CFH: variants seen among roughly 807,000 people sequenced by gnomAD.
The protein encoded by CFH is complement factor H, also known as H factor 1 (complement).
In CFH, 53 loss-of-function variants were observed where a neutral mutation model predicts 147.3. That is an observed-to-expected ratio of 0.36 (90% confidence interval 0.29 to 0.45). The LOEUF is 0.45. Ranked by LOEUF, CFH falls within the 20% of genes least tolerant of loss-of-function variation. The pLI is 1.00. For synonymous variants in CFH, 536 were observed against 489.4 expected, an observed-to-expected ratio of 1.10 and a Z score of -1.26; for missense variants, 1,380 against 1,498.0, an observed-to-expected ratio of 0.92 and a Z score of 1.30.
chr1:196,692,350 C>T, intron 9 of CFH: 3 of 763,466 alleles, frequency 3.9e-6, no homozygotes, highest in South Asian at 6.1e-5. Context: ...CAGATGATCC[C>T]ATTACTTTTA....
chr1:196,692,758 CTTTCTTTCTTTCT>C (rs1558163594), intron 9 of CFH, among the ~76,000 whole-genome samples: 10 of 20,932 alleles, frequency 4.8e-4, no homozygotes, highest in Admixed American at 1.9e-3. Flanking sequence ...TTCTTTCTTT[CTTTCTTTCTTTCT>C]TTCTTTCTTT....
At chr1:196,671,587 TACACACACACACACACAC>T (rs551313147) in intron 1 of CFH, among the ~76,000 whole-genome samples, 3 of 129,492 alleles carry the variant, frequency 2.3e-5, no homozygotes, top group Admixed American at 7.9e-5. Flanking sequence ...AAAAGACTAA[TACACACACACACACACAC>T]ACACACACAC....
At position 196,677,550 on chromosome 1, in the gene CFH, T is replaced by C. The variant is rs1371416584; in HGVS notation, c.502T>C (p.Tyr168His). Residue 168 changes from tyrosine (Y) to histidine (H), a missense_variant, in exon 5 of 22, where the codon TAC becomes CAC. Physicochemically the swap from Tyr to His is moderately conservative, Grantham distance 83. Transcript: ENST00000367429. Reference protein sequence around the residue: ...VSSAMEPDREYHFGQAVRFVC... With the variant: ...VSSAMEPDREHHFGQAVRFVC... ...TAGTGCAATGGAACCAGATCGGGAA[T>C]ACCATTTTGGACAAGCAGTACGGTT... The C allele has an allele frequency of 1.9e-6, 3 of 1,613,264 alleles. No homozygotes were observed. The highest frequency in any genetic ancestry group is 2.2e-5 in the South Asian group (2 of 91,062).
chr1:196,705,913 C>T (rs888406557), intron 9 of CFH, among the ~76,000 whole-genome samples: 4 of 152,122 alleles, frequency 2.6e-5, no homozygotes, highest in African/African-American at 9.7e-5. Flanking sequence ...TGCTTTAAAT[C>T]CTGCTAAATA....
intron 9 of CFH, among the ~76,000 whole-genome samples, chr1:196,711,225 A>T (rs1668716891): frequency 1.3e-5 from 2 of 151,764 alleles, no homozygotes; most frequent in South Asian, 2.1e-4. Context: ...TTTGAGATTA[A>T]TTTTTTCTAC....
At chr1:196,741,080 A>C (rs2149115287) in intron 18 of CFH, 1 of 395,374 alleles carries the variant, frequency 2.5e-6, no homozygotes, top group Non-Finnish European at 4.7e-6. Flanking sequence ...ATCAATCTCC[A>C]CATTATTCAA....
intron 15 of CFH, among the ~76,000 whole-genome samples, chr1:196,731,622 T>A (rs1669282111): frequency 6.6e-6 from 1 of 152,054 alleles, no homozygotes. Flanking sequence ...TGTTACTAAT[T>A]AGCATCCTCT....
chr1:196,723,533 G>A (rs574317374), intron 11 of CFH, among the ~76,000 whole-genome samples: 8 of 152,138 alleles, frequency 5.3e-5, no homozygotes, highest in Non-Finnish European at 7.4e-5. Context: ...ATTCAGGACA[G>A]TAGGTGGCAC....
Position 196,689,928 on chromosome 1 carries a change from G to A in CFH, c.1160-135G>A, listed in dbSNP as rs767057829. The A allele has an allele frequency of 2.3e-5, 24 of 1,043,922 alleles. 1 individual carries two copies. The highest frequency in any genetic ancestry group is 7.3e-5 in the South Asian group (4 of 54,512). The allele number at this position is 1,043,922 out of a possible 1,614,324, so 64.7% of individuals were successfully genotyped here. A position where few individuals can be genotyped will look rare whatever the true frequency, so the allele number is the denominator to read the frequency against. On this transcript the variant is annotated intron_variant, in intron 8 of 21. Coordinates refer to ENST00000367429, the MANE Select transcript of CFH (RefSeq NM_000186.4). Reference sequence around the variant, plus strand: ...AAACCTTTGTTAGTAACTTTAGTTCGTCTTCAGTTATACATTATTTTTGGA... The same window carrying A: ...AAACCTTTGTTAGTAACTTTAGTTCATCTTCAGTTATACATTATTTTTGGA...
chr1:196,698,870 A>G (rs1028166892), intron 9 of CFH, among the ~76,000 whole-genome samples: 4 of 152,184 alleles, frequency 2.6e-5, no homozygotes, highest in Non-Finnish European at 2.9e-5. Flanking sequence ...CTAAAAGCTT[A>G]TTCACCATGA....
At chr1:196,694,966 C>T (rs1668201562) in intron 9 of CFH, among the ~76,000 whole-genome samples, 1 of 152,190 alleles carries the variant, frequency 6.6e-6, no homozygotes, top group Non-Finnish European at 1.5e-5. Flanking sequence ...CCTATTCACT[C>T]TGATGATAGT....
At chr1:196,676,546 T>C (rs1349977112) in intron 4 of CFH, among the ~76,000 whole-genome samples, 1 of 152,096 alleles carries the variant, frequency 6.6e-6, no homozygotes, top group Non-Finnish European at 1.5e-5. Flanking sequence ...AGCTCTGTTA[T>C]TTCTCACTGG....
At chr1:196,719,000 A>G (rs1387670108) in intron 11 of CFH, among the ~76,000 whole-genome samples, 2 of 152,044 alleles carry the variant, frequency 1.3e-5, no homozygotes, top group African/African-American at 2.4e-5. Context: ...CAAGTGTCCT[A>G]GGAGGTCTCT....
intron 11 of CFH, among the ~76,000 whole-genome samples, chr1:196,717,547 C>T (rs1668899855): frequency 6.6e-6 from 1 of 151,996 alleles, no homozygotes; most frequent in African/African-American, 2.4e-5. Context: ...AAGAGACAGA[C>T]CCTACATAGA....
intron 20 of CFH, among the ~76,000 whole-genome samples, chr1:196,744,204 C>G (rs1652922217): frequency 2.0e-5 from 3 of 151,604 alleles, no homozygotes; most frequent in Admixed American, 2.0e-4. Flanking sequence ...TACTTAGACT[C>G]TACCTATGTT....
Position 196,690,117 on chromosome 1 carries a change from A to T in CFH, c.1214A>T (p.Lys405Met), listed in dbSNP as rs1289523723. The T allele has an allele frequency of 5.6e-6, 9 of 1,612,714 alleles. No individual in the cohort carries two copies. The highest frequency in any genetic ancestry group is 7.6e-6 in the Non-Finnish European group (9 of 1,179,072). ...ENGYNQNHGR[K>M]FVQGKSIDVA... ...GGATATAATCAAAATCATGGAAGAA[A>T]GTTTGTACAGGGTAAATCTATAGAC... Residue 405 changes from lysine (K) to methionine (M), a missense_variant, in exon 9 of 22, where the codon AAG (lysine) becomes ATG (methionine). By Grantham distance (95) the Lys-to-Met change is moderately conservative. Transcript: ENST00000367429.
intron 1 of CFH, among the ~76,000 whole-genome samples, chr1:196,654,342 T>A (rs575580330): frequency 6.6e-6 from 1 of 152,242 alleles, no homozygotes; most frequent in Non-Finnish European, 1.5e-5. Context: ...ATTTGTTTTC[T>A]TTTTTTAATA....
chr1:196,728,733 G>GCGCA (rs35537678), intron 15 of CFH, among the ~76,000 whole-genome samples: 4 of 145,058 alleles, frequency 2.8e-5, no homozygotes, highest in East Asian at 4.0e-4. Context: ...ACACACACAC[G>GCGCA]CACACACACA....
At chr1:196,713,044 C>T (rs1432147301) in intron 9 of CFH, among the ~76,000 whole-genome samples, 3 of 151,914 alleles carry the variant, frequency 2.0e-5, no homozygotes, top group Non-Finnish European at 4.4e-5. Flanking sequence ...GGTTCCAAGT[C>T]TTTGCTATTG....
Sources: allele counts gnomAD v4.1 joint callset (sites outside exome capture counted in the v4.1 genomes callset), GRCh38; gene constraint gnomAD v4.1.1; transcripts MANE v1.5; gene names NCBI Gene and HGNC (gene_info 2026-07-23, HGNC 2026-07-21).